Variants in ZNF577 observed in about 807,000 individuals in gnomAD.
The protein encoded by ZNF577 is zinc finger protein 577.
In ZNF577, 14 loss-of-function variants were observed where a neutral mutation model predicts 13.9. The observed-to-expected ratio is 1.00, with a 90% CI of 0.66 to 1.57. The LOEUF (loss-of-function observed/expected upper bound fraction) is 1.57, where lower values mean the gene tolerates loss of function less well. Ranked by LOEUF, ZNF577 falls within the 40% of genes most tolerant of loss-of-function variation. The pLI is 0.00. For synonymous variants in ZNF577, 203 were observed against 202.9 expected (o/e 1.00, Z 0.00); for missense variants, 555 against 579.2 (o/e 0.96, Z 0.43).
chr19:51,848,877 CTTTTA>C (rs1764679467), intron 5 of ZNF577, among the ~76,000 whole-genome samples: 2 of 152,254 alleles, frequency 1.3e-5, no homozygotes, highest in East Asian at 1.9e-4. Flanking sequence ...CTGTAATTAT[CTTTTA>C]TTTTAATAAT....
chr19:51,804,762 C>G (rs939877583), downstream of ZNF577: 6 of 152,076 alleles, frequency 3.9e-5, no homozygotes, highest in South Asian at 2.1e-4. Context: ...CCCTGGTGGA[C>G]TGAACAAAGG....
chr19:51,813,060 A>G (rs1422797314), intron 9 of ZNF577, among the ~76,000 whole-genome samples: 3 of 150,366 alleles, frequency 2.0e-5, no homozygotes, highest in African/African-American at 7.3e-5. Context: ...TGGAGGTTGC[A>G]ATGGGCCGAG....
chr19:51,875,102 T>G (rs10424341), intron 5 of ZNF577, among the ~76,000 whole-genome samples: 1 of 151,974 alleles, frequency 6.6e-6, no homozygotes, highest in South Asian at 2.1e-4. Flanking sequence ...GGCGCAGTGC[T>G]TCACGTCTGT....
chr19:51,850,375 T>C (rs2122562356), intron 5 of ZNF577, among the ~76,000 whole-genome samples: 1 of 152,364 alleles, frequency 6.6e-6, no homozygotes, highest in Non-Finnish European at 1.5e-5. Context: ...GTAAAATATC[T>C]GGACACCAAG....
Position 51,871,932 on chromosome 19 carries a change from T to C in ZNF577, c.*600A>G, listed in dbSNP as rs1226789026. On this transcript the variant is annotated 3_prime_UTR_variant, in exon 6 of 6. Coordinates refer to ENST00000638348, the MANE Select transcript of ZNF577 (RefSeq NM_001370449.1). ...GTCCTCCAGAACTGTAAGATAATGA[T>C]TTTGTGTTGTTTTAAGCCATTAAAT... 1 of 152,252 alleles carries C rather than the reference T, an allele frequency of 6.6e-6. No individual in the cohort carries two copies. Among genetic ancestry groups the C allele is most frequent in the Non-Finnish European group, 1.5e-5 (1 of 68,100 alleles). 9.4% of individuals were successfully genotyped at this position (152,252 alleles called of 1,614,324 possible). A position where few individuals can be genotyped will look rare whatever the true frequency, so the allele number is the denominator to read the frequency against.
intron 10 of ZNF577, chr19:51,805,320 T>A (rs1406715764): frequency 6.6e-6 from 1 of 152,240 alleles, no homozygotes; most frequent in Non-Finnish European, 1.5e-5. Context: ...GTTACTGTGG[T>A]ACTTTAGATA....
chr19:51,872,773 T>C lies in ZNF577; in HGVS notation c.1217A>G (p.Glu406Gly). The C allele has an allele frequency of 6.2e-7, 1 of 1,614,196 alleles. No individual in the cohort carries two copies. Among genetic ancestry groups the C allele is most frequent in the Non-Finnish European group, 8.5e-7 (1 of 1,180,022 alleles). The change falls in exon 6 of 6, where the codon GAG becomes GGG. Residue 406 changes from glutamate (E) to glycine (G), a missense_variant. Transcript: ENST00000638348. ...TSLYMSELIQ[E>G]QKTVNTVPIE... The stretch of plus-strand genomic sequence containing the variant: ...AGGTACTGTGTTCACAGTCTTTTGC[T>C]CTTGTATGAGTTCGCTCATGTATAA...
intron 3 of ZNF577, 30 bp from the exon 4 acceptor site, chr19:51,878,545 G>A (rs766867635): frequency 1.2e-5 from 19 of 1,612,500 alleles, no homozygotes; most frequent in Admixed American, 1.7e-5. Context: ...GCAATCTGAG[G>A]TGGATAACAA....
intron 10 of ZNF577, among the ~76,000 whole-genome samples, chr19:51,807,368 G>A (rs2084066852): frequency 6.6e-6 from 1 of 152,184 alleles, no homozygotes; most frequent in African/African-American, 2.4e-5. Context: ...CCTTTTGGTG[G>A]CAGCGCAGTG....
intron 5 of ZNF577, among the ~76,000 whole-genome samples, chr19:51,854,765 C>T (rs1207349851): frequency 1.3e-5 from 2 of 152,120 alleles, no homozygotes; most frequent in Admixed American, 6.5e-5. Context: ...ACTTTCATTA[C>T]ATATGTGTTG....
At position 51,878,357 on chromosome 19, in the gene ZNF577, G is replaced by T. The variant is rs894944257; in HGVS notation, c.187+32C>A. 2.5e-6 allele frequency: 4 copies of T among 1,608,450 alleles called. No homozygotes were observed. The African/African-American group carries it at 4.0e-5, about 16-fold the overall frequency. On this transcript the variant is annotated intron_variant, in intron 4 of 5. Coordinates refer to ENST00000638348, the MANE Select transcript of ZNF577 (RefSeq NM_001370449.1). ...CGTACAGTGGTCACCAAATAAGAAA[G>T]AAAAGGTAAGTGACGGCAATGCTGT...
At chr19:51,817,589 T>C (rs2084148760) in intron 9 of ZNF577, 1 of 152,180 alleles carries the variant, frequency 6.6e-6, no homozygotes, top group Non-Finnish European at 1.5e-5. Context: ...CCATTCAGCT[T>C]TTTTTTCTTT....
At chr19:51,811,929 G>A (rs371988256) in intron 9 of ZNF577, among the ~76,000 whole-genome samples, 7 of 152,122 alleles carry the variant, frequency 4.6e-5, no homozygotes, top group African/African-American at 1.2e-4. Context: ...TGGGGTCTTC[G>A]GCTCCCTGCA....
At chr19:51,805,533 T>C (rs2084052666) in intron 10 of ZNF577, among the ~76,000 whole-genome samples, 1 of 152,220 alleles carries the variant, frequency 6.6e-6, no homozygotes, top group Non-Finnish European at 1.5e-5. Context: ...ATATTCTAAG[T>C]TGGTTACACA....
At chr19:51,864,435 A>C (rs147815233), downstream of ZNF577, among the ~76,000 whole-genome samples, 168 of 152,300 alleles carry the variant, frequency 1.1e-3, 1 homozygote, top group African/African-American at 3.7e-3. Flanking sequence ...GAAAATAGTA[A>C]AATAAATTCA....
chr19:51,885,574 T>C (rs1358899666), intron 1 of ZNF577, among the ~76,000 whole-genome samples: 1 of 152,202 alleles, frequency 6.6e-6, no homozygotes, highest in Non-Finnish European at 1.5e-5. Context: ...TGCAATGGCA[T>C]GATCCCAGCT....
downstream of ZNF577, chr19:51,862,722 T>C (rs1368498528): frequency 6.6e-6 from 1 of 152,108 alleles, no homozygotes; most frequent in African/African-American, 2.4e-5. Flanking sequence ...CTGTTTGACA[T>C]TGAATGCATT....
intron 10 of ZNF577, among the ~76,000 whole-genome samples, chr19:51,810,003 C>A (rs562211682): frequency 1.3e-5 from 2 of 152,150 alleles, no homozygotes; most frequent in Non-Finnish European, 2.9e-5. Flanking sequence ...TCCTCTGTTA[C>A]GCAAGGACAA....
At chr19:51,874,487 TAA>T (rs71900163) in intron 5 of ZNF577, among the ~76,000 whole-genome samples, 3 of 144,206 alleles carry the variant, frequency 2.1e-5, no homozygotes, top group Admixed American at 6.8e-5. Flanking sequence ...TTAGGTGTGA[TAA>T]AAAAAAAAAA....
Sources: allele counts gnomAD v4.1 joint callset (sites outside exome capture counted in the v4.1 genomes callset), GRCh38; gene constraint gnomAD v4.1.1; transcripts MANE v1.5; gene names NCBI Gene and HGNC (gene_info 2026-07-23, HGNC 2026-07-21).